Variants in ARMC2 observed in about 807,000 individuals in gnomAD.
The protein encoded by ARMC2 is armadillo repeat-containing protein 2.
Under a neutral mutation model 90.3 loss-of-function variants are expected in ARMC2, and 67 were observed. The ratio of observed to expected loss-of-function variants is 0.74; its 90% CI spans 0.61 to 0.91. The LOEUF (loss-of-function observed/expected upper bound fraction) is 0.91. Ranked by LOEUF, ARMC2 falls within the 40% of genes least tolerant of loss-of-function variation. The pLI is 0.00. For missense variants in ARMC2, 920 were observed against 1,030.9 expected (o/e 0.89, Z 1.47); for synonymous variants, 393 against 393.0 (o/e 1.00, Z 0.00).
intron 6 of ARMC2, among the ~76,000 whole-genome samples, chr6:108,897,337 G>C (rs887321071): frequency 1.3e-5 from 2 of 152,182 alleles, no homozygotes; most frequent in East Asian, 1.9e-4. Context: ...AAAGGTTTTG[G>C]ATAAGGGATT....
the ARMC2 span, among the ~76,000 whole-genome samples, chr6:109,020,766 C>T: frequency 6.6e-6 from 1 of 152,190 alleles, no homozygotes; most frequent in African/African-American, 2.4e-5. Flanking sequence ...GACACAAAAA[C>T]ACTGTGAAAC....
At chr6:109,046,141 G>A in the ARMC2 span, among the ~76,000 whole-genome samples, 1,689 of 151,960 alleles carry the variant, frequency 0.011, 37 homozygotes, top group African/African-American at 0.039. Flanking sequence ...CCTCTCATGC[G>A]GAGCCGAAGC....
the ARMC2 span, among the ~76,000 whole-genome samples, chr6:109,030,411 T>G: frequency 1.3e-5 from 2 of 152,232 alleles, no homozygotes; most frequent in Non-Finnish European, 2.9e-5. Context: ...TTCCTATGCA[T>G]GCAGAGTATA....
chr6:108,924,802 G>T (rs563014186), intron 10 of ARMC2, among the ~76,000 whole-genome samples: 1 of 152,346 alleles, frequency 6.6e-6, no homozygotes, highest in Non-Finnish European at 1.5e-5. Flanking sequence ...TCTGGCAGCA[G>T]TGAGCAGCTA....
chr6:108,942,141 C>T (rs1026164328), intron 12 of ARMC2, among the ~76,000 whole-genome samples: 1 of 152,136 alleles, frequency 6.6e-6, no homozygotes, highest in Non-Finnish European at 1.5e-5. Context: ...AGACTTTGTC[C>T]TGATAGACCG....
rs1197391398 is a variant in ARMC2 at position 108,895,300 on chromosome 6, C to CA, written c.748+766dup. 8.4e-3 allele frequency among the ~76,000 whole-genome samples: 1,236 copies of CA among 146,586 alleles called. 17 individuals are homozygous for CA. Among genetic ancestry groups the CA allele is most frequent in the African/African-American group, 0.03 (1,199 of 40,114 alleles). Reference sequence around the variant, plus strand: ...CAACATCATGAAACCCCATCTCTACCAAAAAAAAATAATAATAATACAAAA... The same window carrying CA: ...CAACATCATGAAACCCCATCTCTACCAAAAAAAAAATAATAATAATACAAAA... On this transcript the variant is annotated intron_variant, in intron 6 of 17. Coordinates refer to ENST00000392644, the MANE Select transcript of ARMC2 (RefSeq NM_032131.6).
At chr6:108,849,977 T>C (rs1475285876) in intron 1 of ARMC2, among the ~76,000 whole-genome samples, 3 of 152,242 alleles carry the variant, frequency 2.0e-5, no homozygotes, top group Admixed American at 6.5e-5. Flanking sequence ...GAGTATTTGA[T>C]TTGCAGGGAA....
chr6:108,948,826 A>T (rs1447795651), intron 12 of ARMC2, among the ~76,000 whole-genome samples: 1 of 152,132 alleles, frequency 6.6e-6, no homozygotes, highest in Non-Finnish European at 1.5e-5. Flanking sequence ...ATTAGACTGC[A>T]TGTGACAGTG....
At chr6:109,007,094 C>T in the ARMC2 span, among the ~76,000 whole-genome samples, 4 of 152,180 alleles carry the variant, frequency 2.6e-5, no homozygotes, top group African/African-American at 9.6e-5. Flanking sequence ...ACCTAATAAC[C>T]ATCTTTGAAA....
At chr6:108,894,624 C>T in intron 6 of ARMC2, 81 bp downstream of exon 6, 2 of 1,252,530 alleles carry the variant, frequency 1.6e-6, no homozygotes, top group Non-Finnish European at 2.2e-6. Context: ...CTATGTTGGC[C>T]ACTGGAAACT....
the ARMC2 span, among the ~76,000 whole-genome samples, chr6:109,006,997 A>T: frequency 6.6e-6 from 1 of 152,250 alleles, no homozygotes; most frequent in Non-Finnish European, 1.5e-5. Context: ...AAGCAGATGT[A>T]GATACTAATC....
chr6:109,012,193 G>T, the ARMC2 span, among the ~76,000 whole-genome samples: 1 of 151,764 alleles, frequency 6.6e-6, no homozygotes, highest in South Asian at 2.1e-4. Context: ...GTCAGTACAG[G>T]CCAGAGCTAC....
chr6:108,897,049 T>C (rs1442813523), intron 6 of ARMC2, among the ~76,000 whole-genome samples: 2 of 152,214 alleles, frequency 1.3e-5, no homozygotes, highest in Non-Finnish European at 2.9e-5. Context: ...CATGTTTACT[T>C]TTAGAATCCA....
chr6:108,942,309 AAAT>A (rs1265054746), intron 12 of ARMC2, among the ~76,000 whole-genome samples: 3 of 152,324 alleles, frequency 2.0e-5, no homozygotes, highest in African/African-American at 4.8e-5. Context: ...TTGGAGGAAG[AAAT>A]AATAAGAATT....
chr6:109,020,455 A>G, the ARMC2 span, among the ~76,000 whole-genome samples: 5 of 152,210 alleles, frequency 3.3e-5, no homozygotes, highest in Non-Finnish European at 4.4e-5. Context: ...AAAGGTAGAA[A>G]TATCCAGTGA....
the ARMC2 span, chr6:108,998,642 A>C: frequency 4.5e-5 from 73 of 1,613,890 alleles, no homozygotes; most frequent in Non-Finnish European, 5.8e-5. Context: ...GAATTTCTGG[A>C]CTGATTCCAC....
intron 17 of ARMC2, among the ~76,000 whole-genome samples, chr6:108,972,854 T>TC: frequency 6.6e-6 from 1 of 151,476 alleles, no homozygotes; most frequent in African/African-American, 2.4e-5. Context: ...TTTTTTTTTT[T>TC]CTGAGCTGTC....
the ARMC2 span, among the ~76,000 whole-genome samples, chr6:108,983,471 T>C: frequency 6.6e-6 from 1 of 152,214 alleles, no homozygotes; most frequent in African/African-American, 2.4e-5. Context: ...TGCATGTGCA[T>C]ATCTAGTTTT....
At chr6:108,930,900 C>G (rs1409725966) in intron 11 of ARMC2, among the ~76,000 whole-genome samples, 1 of 149,188 alleles carries the variant, frequency 6.7e-6, no homozygotes, top group Non-Finnish European at 1.5e-5. Flanking sequence ...CGGCCCCCAC[C>G]CCCTTTTTTT....
Sources: allele counts gnomAD v4.1 joint callset (sites outside exome capture counted in the v4.1 genomes callset), GRCh38; gene constraint gnomAD v4.1.1; transcripts MANE v1.5; gene names NCBI Gene and HGNC (gene_info 2026-07-23, HGNC 2026-07-21).